Variants in BEND5 observed in about 807,000 individuals in gnomAD.
The protein encoded by BEND5 is BEN domain-containing protein 5.
In BEND5, 22 loss-of-function variants were observed where a neutral mutation model predicts 43.9. That is an observed-to-expected ratio of 0.50 (90% CI 0.36 to 0.72). The LOEUF (loss-of-function observed/expected upper bound fraction) is 0.72, where lower values mean the gene tolerates loss of function less well. BEND5 is among the 30% of genes least tolerant of loss of function. BEND5 has a pLI of 0.00. For missense variants in BEND5, 428 were observed against 550.6 expected, an observed-to-expected ratio of 0.78 and a Z score of 2.23; for synonymous variants, 228 against 225.9, an observed-to-expected ratio of 1.01 and a Z score of -0.08.
chr1:48,736,327 G>A lies in BEND5; in HGVS notation c.1020C>T (p.Asn340=). Residue 340 remains asparagine (N), a synonymous_variant, in exon 5 of 6, where the codon AAC becomes AAT. Transcript: ENST00000371833. The surrounding 1 kb of genome is among the most constrained non-coding windows in gnomAD (Gnocchi z 4.0). ...TTGTGGCGACGCCTGTGACGCTTCTGTTTTTCAGAACATCTGTTCCCCAAA... is the reference window on the plus strand; with the variant it reads ...TTGTGGCGACGCCTGTGACGCTTCTATTTTTCAGAACATCTGTTCCCCAAA... ...VMIWGTDVLK[N]RSVTGVATKK... is the part of the protein sequence containing the mutation. 6.2e-7 allele frequency: 1 copy of A among 1,614,100 alleles called. No homozygotes were observed. The highest frequency in any genetic ancestry group is 8.5e-7 in the Non-Finnish European group (1 of 1,180,032).
At chr1:48,758,871 A>T in intron 3 of BEND5, 29 bp downstream of exon 3, 2 of 1,470,172 alleles carry the variant, frequency 1.4e-6, no homozygotes, top group South Asian at 2.8e-5. Flanking sequence ...ACCCAAGTGG[A>T]GTGGTAGGTG....
rs1644120820 is a variant in BEND5 at position 48,759,173 on chromosome 1, C to G, written c.472G>C (p.Glu158Gln). 1 of 1,613,990 alleles carries G rather than the reference C, an allele frequency of 6.2e-7. No individual in the cohort carries two copies. Among genetic ancestry groups the G allele is most frequent in the Admixed American group, 1.7e-5 (1 of 59,988 alleles). Reference sequence around the variant, plus strand: ...CCTGGCGAGGCCTCCACGAAGACCTCTTCCGGACACGTGCTATGGCCCAGG... The same window carrying G: ...CCTGGCGAGGCCTCCACGAAGACCTGTTCCGGACACGTGCTATGGCCCAGG... ...LSLGHSTCPE[E>Q]VFVEASPGTE... The change falls in exon 3 of 6, where the codon GAG becomes CAG. Residue 158 changes from glutamate (E) to glutamine (Q), a missense_variant. Around this residue, in one of 4 missense-constraint regions of BEND5, gnomAD observed 243 missense variants for 286.4 expected, o/e 0.85. Coordinates refer to ENST00000371833, the MANE Select transcript of BEND5 (RefSeq NM_024603.4).
intron 5 of BEND5, among the ~76,000 whole-genome samples, chr1:48,730,233 G>A (rs982615737): frequency 6.6e-6 from 1 of 152,092 alleles, no homozygotes; most frequent in Non-Finnish European, 1.5e-5. Flanking sequence ...TCTACCCCAG[G>A]CCAGGAGAAA....
chr1:48,754,554 TG>T (rs748469469), intron 3 of BEND5, among the ~76,000 whole-genome samples: 28 of 152,072 alleles, frequency 1.8e-4, no homozygotes, highest in Non-Finnish European at 3.7e-4. Context: ...TTTACTTATT[TG>T]GGGGAGGAGG....
At chr1:48,734,248 G>T (rs1418085624) in intron 5 of BEND5, among the ~76,000 whole-genome samples, 1 of 152,212 alleles carries the variant, frequency 6.6e-6, no homozygotes, top group Non-Finnish European at 1.5e-5. Context: ...CCCCAGACCA[G>T]AGTCGGCGGG....
intron 1 of BEND5, among the ~76,000 whole-genome samples, chr1:48,768,609 T>C (rs780917720): frequency 2.0e-5 from 3 of 152,156 alleles, no homozygotes; most frequent in Non-Finnish European, 4.4e-5. Flanking sequence ...GAATTTACAG[T>C]ATTATTAAAA....
At chr1:48,763,466 T>C (rs1465166158) in intron 1 of BEND5, among the ~76,000 whole-genome samples, 1 of 151,972 alleles carries the variant, frequency 6.6e-6, no homozygotes, top group Non-Finnish European at 1.5e-5. Context: ...GCAATGGTGT[T>C]TTTTTGTGTG....
At chr1:48,759,810 G>A (rs1166581812) in intron 2 of BEND5, among the ~76,000 whole-genome samples, 1 of 152,150 alleles carries the variant, frequency 6.6e-6, no homozygotes, top group Admixed American at 6.5e-5. Context: ...AGATGGAAAG[G>A]ATGTTAAAAA....
At chr1:48,752,937 G>A (rs1012319977) in intron 3 of BEND5, among the ~76,000 whole-genome samples, 4 of 151,938 alleles carry the variant, frequency 2.6e-5, no homozygotes, top group Admixed American at 2.0e-4. Context: ...TTTAGTAGAG[G>A]CGGGGTTTCA....
chr1:48,759,396 G>A, intron 2 of BEND5, 112 bp from the exon 3 acceptor site: 1 of 1,443,896 alleles, frequency 6.9e-7, no homozygotes, highest in Non-Finnish European at 9.1e-7. Context: ...GAACATCAGT[G>A]CTTGGAGAAA....
intron 1 of BEND5, among the ~76,000 whole-genome samples, chr1:48,773,748 C>G (rs1644946806): frequency 6.6e-6 from 1 of 152,142 alleles, no homozygotes; most frequent in South Asian, 2.1e-4. Context: ...CCAGCCTTGC[C>G]ATTTATTAGC....
In BEND5 at chr1:48,776,760, G is replaced by A; in HGVS notation, c.72C>T (p.Phe24=). 1 of 1,526,290 alleles carries A rather than the reference G, an allele frequency of 6.6e-7. No homozygotes were observed. 94.5% of individuals were successfully genotyped at this position (1,526,290 alleles called of 1,614,324 possible). A position where few individuals can be genotyped will look rare whatever the true frequency, so the allele number is the denominator to read the frequency against. The change falls in exon 1 of 6, where the codon TTC becomes TTT. Residue 24 remains phenylalanine (F), a synonymous_variant. Transcript: ENST00000371833. ...CAAAATCCAGCCGCGAGCGGGGGCT[G>A]AAGTCGCGCACGCACGACACGGGCA... ...YALPVSCVRD[F]SPRSRLDFDN... is the part of the protein sequence containing the mutation.
intron 4 of BEND5, among the ~76,000 whole-genome samples, chr1:48,738,053 T>C (rs1397879973): frequency 6.6e-6 from 1 of 152,168 alleles, no homozygotes; most frequent in Non-Finnish European, 1.5e-5. Flanking sequence ...ACCAGCAAGA[T>C]CAATTGTTCA....
chr1:48,753,028 G>A (rs977051272), intron 3 of BEND5, among the ~76,000 whole-genome samples: 2 of 152,206 alleles, frequency 1.3e-5, no homozygotes, highest in African/African-American at 2.4e-5. Context: ...GATTACAGGC[G>A]TGAGCCACTG....
At chr1:48,749,394 C>T (rs985438683) in intron 3 of BEND5, among the ~76,000 whole-genome samples, 5 of 152,102 alleles carry the variant, frequency 3.3e-5, no homozygotes, top group South Asian at 4.1e-4. Flanking sequence ...ACGTGTTTAG[C>T]GAAAGAAGTT....
chr1:48,741,961 T>C (rs1367338552), intron 4 of BEND5, among the ~76,000 whole-genome samples: 1 of 152,238 alleles, frequency 6.6e-6, no homozygotes, highest in Non-Finnish European at 1.5e-5. Flanking sequence ...TATATCATCA[T>C]GTGACTTTAA....
intron 1 of BEND5, among the ~76,000 whole-genome samples, chr1:48,770,741 G>A (rs577389298): frequency 6.6e-6 from 1 of 152,076 alleles, no homozygotes; most frequent in African/African-American, 2.4e-5. Context: ...GGTTCTCCTC[G>A]AGACAGGGAG....
intron 5 of BEND5, among the ~76,000 whole-genome samples, chr1:48,735,096 A>G (rs1364575327): frequency 6.6e-6 from 1 of 152,268 alleles, no homozygotes; most frequent in African/African-American, 2.4e-5. Context: ...TGCTATGAGG[A>G]TAATGAGTTA....
chr1:48,748,202 C>G (rs1185980560), intron 3 of BEND5, among the ~76,000 whole-genome samples: 1 of 152,154 alleles, frequency 6.6e-6, no homozygotes, highest in Non-Finnish European at 1.5e-5. Context: ...AGGGAAGATG[C>G]CTCCGGAGCT....
Sources: gnomAD v4.1 joint callset for allele counts (sites outside exome capture counted in the v4.1 genomes callset) on GRCh38, gnomAD v4.1.1 for gene constraint, gnomAD v4.1.1 regional missense constraint, Gnocchi (gnomAD v3.1) non-coding constraint, MANE v1.5 for transcripts, NCBI Gene and HGNC (gene_info 2026-07-23, HGNC 2026-07-21) for gene names.